TMEM267: variants seen among roughly 807,000 people sequenced by gnomAD.
TMEM267 encodes the protein transmembrane protein 267.
A neutral mutation model predicts 19.3 loss-of-function variants in TMEM267; 20 were observed. That is an observed-to-expected ratio of 1.04 (90% CI 0.73 to 1.51). TMEM267 has a LOEUF of 1.51. Ranked by LOEUF, TMEM267 falls within the 40% of genes most tolerant of loss-of-function variation. The pLI, the probability that TMEM267 is intolerant of heterozygous loss-of-function variation, is 0.00. For missense variants in TMEM267, 242 were observed against 261.9 expected (o/e 0.92, Z 0.52); for synonymous variants, 88 against 90.3 (o/e 0.97, Z 0.15).
At chr5:43,455,386 G>A (rs1742885143) in intron 1 of TMEM267, among the ~76,000 whole-genome samples, 1 of 151,484 alleles carries the variant, frequency 6.6e-6, no homozygotes, top group African/African-American at 2.4e-5. Context: ...TCGTGCTACT[G>A]CATGCCAGCC....
intron 1 of TMEM267, among the ~76,000 whole-genome samples, chr5:43,483,024 C>T (rs1744884972): frequency 6.6e-6 from 1 of 152,228 alleles, no homozygotes; most frequent in Admixed American, 6.5e-5. Flanking sequence ...GTCCAAATTC[C>T]AGAAACCGCC....
At chr5:43,479,824 AAAT>A in intron 1 of TMEM267, 2 of 415,996 alleles carry the variant, frequency 4.8e-6, no homozygotes, top group South Asian at 3.5e-5. Context: ...CAGGATCTGG[AAAT>A]AATGATTTCC....
intron 1 of TMEM267, among the ~76,000 whole-genome samples, chr5:43,474,644 G>A (rs188215185): frequency 3.0e-4 from 46 of 151,756 alleles, no homozygotes; most frequent in South Asian, 1.5e-3. Flanking sequence ...TTGTAATCCC[G>A]GCTACTCGGG....
Position 43,453,697 on chromosome 5 carries a change from A to G in TMEM267, c.273T>C (p.Asp91=), listed in dbSNP as rs748120615. 8 of 1,614,120 alleles carry G rather than the reference A, an allele frequency of 5.0e-6. No homozygotes were observed. Among genetic ancestry groups the G allele is most frequent in the Admixed American group, 3.3e-5 (2 of 59,996 alleles). ...ILAGFLASVI[D]VDHFFLAGSM... ...ATCCAGCTAGAAAAAAGTGGTCTAC[A>G]TCAATAACAGAGGCTAAAAATCCAG... The change falls in exon 2 of 3, where the codon GAT becomes GAC. Residue 91 remains aspartate (D), a synonymous_variant. Coordinates refer to ENST00000397080, the MANE Select transcript of TMEM267 (RefSeq NM_022483.5).
intron 1 of TMEM267, among the ~76,000 whole-genome samples, chr5:43,481,664 AAG>A (rs1744777648): frequency 6.6e-6 from 1 of 152,076 alleles, no homozygotes; most frequent in African/African-American, 2.4e-5. Flanking sequence ...TTGCTGATGA[AAG>A]AGGAAGGAAA....
intron 1 of TMEM267, among the ~76,000 whole-genome samples, chr5:43,483,328 CAAT>C (rs941442026): frequency 1.3e-5 from 2 of 152,126 alleles, no homozygotes; most frequent in Non-Finnish European, 2.9e-5. Flanking sequence ...TGGTGTGATG[CAAT>C]AATTTTTCAA....
intron 1 of TMEM267, chr5:43,476,345 TGTCTGACTGCCAGTCTAGTA>T (rs1204436536): frequency 6.6e-6 from 1 of 152,162 alleles, no homozygotes; most frequent in Non-Finnish European, 1.5e-5. Context: ...CCAGTATCCC[TGTCTGACTGCCAGTCTAGTA>T]GATCTGCAGC....
intron 1 of TMEM267, among the ~76,000 whole-genome samples, chr5:43,467,907 G>A (rs1017335905): frequency 6.6e-6 from 1 of 152,132 alleles, no homozygotes; most frequent in Non-Finnish European, 1.5e-5. Flanking sequence ...CCTCAGTTGG[G>A]GGGGGCCTTA....
At chr5:43,458,936 CAA>C (rs1485963324) in intron 1 of TMEM267, among the ~76,000 whole-genome samples, 1 of 148,834 alleles carries the variant, frequency 6.7e-6, no homozygotes, top group Admixed American at 6.7e-5. Context: ...AAATATAAGA[CAA>C]AGAGTTGGGC....
intron 1 of TMEM267, among the ~76,000 whole-genome samples, chr5:43,475,032 T>C (rs1474792506): frequency 6.6e-6 from 1 of 152,188 alleles, no homozygotes; most frequent in African/African-American, 2.4e-5. Context: ...CCTGGGTATA[T>C]ACCCAAAGGG....
At chr5:43,482,683 T>C (rs1744857319) in intron 1 of TMEM267, among the ~76,000 whole-genome samples, 1 of 152,236 alleles carries the variant, frequency 6.6e-6, no homozygotes. Context: ...TGACATATTA[T>C]AAATTCCTCC....
intron 1 of TMEM267, among the ~76,000 whole-genome samples, chr5:43,458,450 A>G (rs1743077362): frequency 6.6e-6 from 1 of 152,204 alleles, no homozygotes; most frequent in Admixed American, 6.5e-5. Context: ...TACTTATTTA[A>G]AAGTCTACAA....
At position 43,474,720 on chromosome 5, in the gene TMEM267, T is replaced by C. The variant is rs1370917820; in HGVS notation, c.-75+9102A>G. On this transcript the variant is annotated intron_variant, in intron 1 of 2. Transcript: ENST00000397080. ...GTTGTGGTGAGCCAAGATCACGCCA[T>C]TGCACTCCAGCCCGGGCAACAAGAG... Among the ~76,000 whole-genome samples, 118 of 147,252 alleles carry C rather than the reference T, an allele frequency of 8.0e-4. 1 individual carries two copies. Among genetic ancestry groups the C allele is most frequent in the Non-Finnish European group, 4.4e-4 (30 of 67,482 alleles).
intron 1 of TMEM267, among the ~76,000 whole-genome samples, chr5:43,457,797 C>T (rs6451698): frequency 0.58 from 88,330 of 151,972 alleles, 27,956 homozygotes; most frequent in African/African-American, 0.83. Flanking sequence ...ATAAATGAAC[C>T]GCCAACAAAT....
intron 1 of TMEM267, among the ~76,000 whole-genome samples, chr5:43,474,417 C>G (rs1161115362): frequency 6.6e-6 from 1 of 152,066 alleles, no homozygotes; most frequent in Non-Finnish European, 1.5e-5. Flanking sequence ...AAGAAAAAAG[C>G]AAACAACCCC....
chr5:43,456,046 A>C, intron 1 of TMEM267, among the ~76,000 whole-genome samples: 1 of 151,146 alleles, frequency 6.6e-6, no homozygotes, highest in Non-Finnish European at 1.5e-5. Flanking sequence ...AGAGGCCTCG[A>C]ACTCCTAGCT....
intron 1 of TMEM267, among the ~76,000 whole-genome samples, chr5:43,463,726 C>T (rs577719146): frequency 6.6e-6 from 1 of 152,186 alleles, no homozygotes; most frequent in East Asian, 1.9e-4. Flanking sequence ...TCAACAGATG[C>T]AGAAAAGGCC....
intron 1 of TMEM267, among the ~76,000 whole-genome samples, chr5:43,466,619 CG>C (rs956808138): frequency 6.6e-6 from 1 of 151,968 alleles, no homozygotes; most frequent in Middle Eastern, 3.4e-3. Flanking sequence ...AAAAAGTAGG[CG>C]GGGGGGATGA....
intron 1 of TMEM267, among the ~76,000 whole-genome samples, chr5:43,466,936 G>A (rs1237430126): frequency 6.6e-6 from 1 of 152,052 alleles, no homozygotes; most frequent in Non-Finnish European, 1.5e-5. Flanking sequence ...ATCATTTGAG[G>A]TCAGGAGTTT....
Sources: gnomAD v4.1 joint callset for allele counts (sites outside exome capture counted in the v4.1 genomes callset) on GRCh38, gnomAD v4.1.1 for gene constraint, MANE v1.5 for transcripts, NCBI Gene and HGNC (gene_info 2026-07-23, HGNC 2026-07-21) for gene names.